Variants in NTN1 observed in about 807,000 individuals in gnomAD.
NTN1 encodes the protein netrin 1.
Under a neutral mutation model 54.2 loss-of-function variants are expected in NTN1, and 11 were observed. That is an observed-to-expected ratio of 0.20 (90% confidence interval 0.13 to 0.34). The LOEUF is 0.34. NTN1 is among the 10% of genes least tolerant of loss of function. The pLI, the probability that NTN1 is intolerant of heterozygous loss-of-function variation, is 1.00. For missense variants in NTN1, 740 were observed against 893.1 expected (o/e 0.83, Z 2.18); for synonymous variants, 371 against 382.0 (o/e 0.97, Z 0.33).
intron 2 of NTN1, among the ~76,000 whole-genome samples, chr17:9,126,593 TCTC>T (rs2092248291): frequency 1.3e-5 from 2 of 152,176 alleles, no homozygotes; most frequent in African/African-American, 2.4e-5. Context: ...CTGCATTTGG[TCTC>T]CTCAGGCTGA....
At chr17:9,109,548 CT>C (rs1231671875) in intron 2 of NTN1, among the ~76,000 whole-genome samples, 7 of 152,344 alleles carry the variant, frequency 4.6e-5, no homozygotes, top group Non-Finnish European at 1.0e-4. Flanking sequence ...GGCCAGTCAG[CT>C]TTTCCCCAGT....
At chr17:9,183,039 G>A in intron 5 of NTN1, 70 bp downstream of exon 5, 1 of 1,505,372 alleles carries the variant, frequency 6.6e-7, no homozygotes, top group Non-Finnish European at 9.2e-7. Flanking sequence ...GGGTTAATGG[G>A]GAAGGGGCAT....
Position 9,022,292 on chromosome 17 carries a change from A to G in NTN1, c.-63-19A>G. The stretch of plus-strand genomic sequence containing the variant: ...GGCGCGGGGCGGGCTGGCTGAGCGC[A>G]GCTCCCTTCTCTCCGCAGGCGCCTT... On this transcript the variant is annotated intron_variant, in intron 1 of 6. Coordinates refer to ENST00000173229, the MANE Select transcript of NTN1 (RefSeq NM_004822.3). The G allele has an allele frequency of 8.1e-7, 1 of 1,237,396 alleles. No individual in the cohort carries two copies. The highest frequency in any genetic ancestry group is 1.0e-6 in the Non-Finnish European group (1 of 990,228). The allele number at this position is 1,237,396 out of a possible 1,614,324, so 76.7% of individuals were successfully genotyped here. A position where few individuals can be genotyped will look rare whatever the true frequency, so the allele number is the denominator to read the frequency against.
intron 2 of NTN1, among the ~76,000 whole-genome samples, chr17:9,158,752 AGTC>A (rs1285405748): frequency 1.3e-5 from 2 of 152,084 alleles, no homozygotes; most frequent in African/African-American, 4.8e-5. Flanking sequence ...CAGGCGTGAC[AGTC>A]GTCTGCAGGA....
At chr17:9,234,968 T>TTG (rs1241099779) in intron 6 of NTN1, among the ~76,000 whole-genome samples, 7 of 148,876 alleles carry the variant, frequency 4.7e-5, no homozygotes, top group African/African-American at 1.7e-4. Context: ...TTTTTGGTTT[T>TTG]TTTTTTTTTT....
At chr17:9,106,511 TCC>T (rs1387625970) in intron 2 of NTN1, among the ~76,000 whole-genome samples, 60 of 138,234 alleles carry the variant, frequency 4.3e-4, no homozygotes, top group African/African-American at 8.7e-4. Context: ...CTTCCTTCCT[TCC>T]TTCCTTCCTT....
intron 2 of NTN1, among the ~76,000 whole-genome samples, chr17:9,134,458 G>C (rs952273716): frequency 6.6e-6 from 1 of 152,194 alleles, no homozygotes; most frequent in African/African-American, 2.4e-5. Flanking sequence ...GGATTGACTA[G>C]ATTGGGAGCA....
At chr17:9,209,345 A>C (rs1383752403) in intron 5 of NTN1, among the ~76,000 whole-genome samples, 1 of 152,238 alleles carries the variant, frequency 6.6e-6, no homozygotes, top group Admixed American at 6.5e-5. Flanking sequence ...TCTTTGAAGA[A>C]GAGTATTCTA....
chr17:9,229,662 C>T (rs1023765730), intron 6 of NTN1, among the ~76,000 whole-genome samples: 7 of 151,818 alleles, frequency 4.6e-5, no homozygotes, highest in Admixed American at 1.3e-4. Flanking sequence ...GAGCGGGCAC[C>T]GTGGTGCTGG....
intron 6 of NTN1, among the ~76,000 whole-genome samples, chr17:9,232,925 A>G (rs1905863674): frequency 6.6e-6 from 1 of 152,128 alleles, no homozygotes; most frequent in South Asian, 2.1e-4. Flanking sequence ...CGCTTTCCAC[A>G]GCGGGAGATT....
rs60675960 is a variant in NTN1 at position 9,191,865 on chromosome 17, TAAAA to T, written c.1411+8919_1411+8922del. Among the ~76,000 whole-genome samples the T allele has an allele frequency of 3.4e-3, 299 of 89,182 alleles. 2 individuals carry two copies. The highest frequency in any genetic ancestry group is 4.0e-3 in the Non-Finnish European group (196 of 48,912). The allele number at this position is 89,182 out of a possible 152,430, so 58.5% of individuals were successfully genotyped here. A position where few individuals can be genotyped will look rare whatever the true frequency, so the allele number is the denominator to read the frequency against. ...CAACATAATGAGACCTTATCGCTAC[TAAAA>T]AAAAAAAAAAAAAAAAAAAAAATCC... On this transcript the variant is annotated intron_variant, in intron 5 of 6. Coordinates refer to ENST00000173229, the MANE Select transcript of NTN1 (RefSeq NM_004822.3).
intron 2 of NTN1, among the ~76,000 whole-genome samples, chr17:9,146,581 G>A (rs953540708): frequency 7.9e-5 from 12 of 152,030 alleles, no homozygotes; most frequent in African/African-American, 2.2e-4. Context: ...AGGGCTGGAG[G>A]GGACCTGTGG....
At chr17:9,223,242 G>T (rs1397912082) in intron 6 of NTN1, among the ~76,000 whole-genome samples, 1 of 152,176 alleles carries the variant, frequency 6.6e-6, no homozygotes, top group South Asian at 2.1e-4. Context: ...GAAAGTAGGG[G>T]CCCTGGGTTG....
intron 2 of NTN1, among the ~76,000 whole-genome samples, chr17:9,141,611 G>T (rs1389769707): frequency 6.6e-6 from 1 of 152,148 alleles, no homozygotes; most frequent in Non-Finnish European, 1.5e-5. Flanking sequence ...GAGATGTGGG[G>T]TTGGAGGAGG....
At chr17:9,083,058 C>T (rs981448995) in intron 2 of NTN1, among the ~76,000 whole-genome samples, 9 of 151,804 alleles carry the variant, frequency 5.9e-5, no homozygotes, top group South Asian at 2.1e-4. Context: ...CCTCATTCTC[C>T]GTGTTCTGCC....
chr17:9,076,888 C>A (rs548972876), intron 2 of NTN1, among the ~76,000 whole-genome samples: 6 of 152,324 alleles, frequency 3.9e-5, no homozygotes, highest in South Asian at 2.1e-4. Context: ...GAGGACTCAG[C>A]CCCTGCCTCC....
chr17:9,056,408 G>C (rs1003035567), intron 2 of NTN1, among the ~76,000 whole-genome samples: 1 of 152,170 alleles, frequency 6.6e-6, no homozygotes, highest in Non-Finnish European at 1.5e-5. Context: ...TTGTGGGCAC[G>C]GTGAGGAGTT....
intron 6 of NTN1, among the ~76,000 whole-genome samples, chr17:9,235,585 T>C (rs1373175236): frequency 6.6e-6 from 1 of 152,138 alleles, no homozygotes; most frequent in Admixed American, 6.5e-5. Flanking sequence ...TTATTGCTCA[T>C]AGTTCTGGAG....
chr17:9,058,890 A>G lies in NTN1; in HGVS notation c.1018+35499A>G, dbSNP rs568844659. Among the ~76,000 whole-genome samples, 4 of 152,228 alleles carry G rather than the reference A, an allele frequency of 2.6e-5. No individual in the cohort carries two copies. In the South Asian group the frequency reaches 6.2e-4, roughly 24 times the overall value. The stretch of plus-strand genomic sequence containing the variant: ...CAGTAGAGTGGTTTAAGAGCCCACA[A>G]TCTGGAGTTAGACTACCTGGGTTCA... On this transcript the variant is annotated intron_variant, in intron 2 of 6. Coordinates refer to ENST00000173229, the MANE Select transcript of NTN1 (RefSeq NM_004822.3).
Sources: allele counts gnomAD v4.1 joint callset (sites outside exome capture counted in the v4.1 genomes callset), GRCh38; gene constraint gnomAD v4.1.1; transcripts MANE v1.5; gene names NCBI Gene and HGNC (gene_info 2026-07-23, HGNC 2026-07-21).